The following RFX2 variants were observed in gnomAD, a reference collection of about 807,000 sequenced individuals.
RFX2 encodes the protein regulatory factor X2, also known as DNA-binding protein RFX2.
A neutral mutation model predicts 87.8 loss-of-function variants in RFX2; 20 were observed. The observed-to-expected ratio is 0.23, with a 90% CI of 0.16 to 0.33. The LOEUF is 0.33. Among genes scored for constraint, RFX2 ranks in the 10% least tolerant of loss-of-function variants. RFX2 has a pLI of 1.00. For missense variants in RFX2, 767 were observed against 1,012.3 expected, an observed-to-expected ratio of 0.76 and a Z score of 3.29; for synonymous variants, 397 against 431.3, an observed-to-expected ratio of 0.92 and a Z score of 0.98.
intron 6 of RFX2, among the ~76,000 whole-genome samples, chr19:6,019,512 ATGTGTGTGTGTG>A (rs147877773): frequency 3.1e-5 from 4 of 126,990 alleles, no homozygotes; most frequent in Admixed American, 8.1e-5. Context: ...GTGTGTGAGT[ATGTGTGTGTGTG>A]TGTGTGTGTG....
intron 1 of RFX2, among the ~76,000 whole-genome samples, chr19:6,100,253 TGAAG>T (rs1349146880): frequency 6.6e-6 from 1 of 152,122 alleles, no homozygotes; most frequent in African/African-American, 2.4e-5. Flanking sequence ...GGGGCTGGAC[TGAAG>T]GAAGCCTTGA....
At position 6,061,083 on chromosome 19, in the gene RFX2, G is replaced by A. The variant is rs969773016; in HGVS notation, c.-8-13579C>T. 6.6e-6 allele frequency among the ~76,000 whole-genome samples: 1 copy of A among 152,092 alleles called. No individual in the cohort carries two copies. The highest frequency in any genetic ancestry group is 2.4e-5 in the African/African-American group (1 of 41,398). ...CTCCCTGCGCCCCGGGACACGTGTC[G>A]CTGGTGACTCAGCCTGCTGTCTCCA... On this transcript the variant is annotated intron_variant, in intron 1 of 17. Transcript: ENST00000303657. This position sits in a 1 kb window ranked among gnomAD's most constrained non-coding sequence, Gnocchi z 5.2.
chr19:6,014,181 C>T (rs1011210264), intron 7 of RFX2, among the ~76,000 whole-genome samples: 1 of 152,116 alleles, frequency 6.6e-6, no homozygotes, highest in Non-Finnish European at 1.5e-5. Flanking sequence ...CCAGAGCTGG[C>T]AACAGGGACA....
chr19:6,092,491 G>A (rs891480506), intron 1 of RFX2, among the ~76,000 whole-genome samples: 1 of 152,212 alleles, frequency 6.6e-6, no homozygotes, highest in Non-Finnish European at 1.5e-5. Flanking sequence ...CACGCGTCCA[G>A]AGGGAATTCA....
At position 6,026,208 on chromosome 19, in the gene RFX2, T is replaced by A. The variant is rs753886292; in HGVS notation, c.552A>T (p.Lys184Asn). 1 of 1,614,036 alleles carries A rather than the reference T, an allele frequency of 6.2e-7. No homozygotes were observed. Among genetic ancestry groups the A allele is most frequent in the South Asian group, 1.1e-5 (1 of 91,056 alleles). The change falls in exon 6 of 18, where the codon AAA (lysine) becomes AAT (asparagine). Residue 184 changes from lysine to asparagine, a missense_variant. Lys to Asn is a moderately conservative substitution (Grantham distance 94). Transcript: ENST00000303657. The surrounding 1 kb of genome is among the most constrained non-coding windows in gnomAD (Gnocchi z 4.5). Reference protein sequence around the residue: ...TLEMAIENLQKSEGITSHKSG... With the variant: ...TLEMAIENLQNSEGITSHKSG... ...TTTTGTGTGATGTGATTCCTTCGCT[T>A]TTTTGGAGGTTTTCAATCGCCATTT...
rs1035300616 is a variant in RFX2 at position 6,061,131 on chromosome 19, C to G, written c.-8-13627G>C. On this transcript the variant is annotated intron_variant, in intron 1 of 17. Coordinates refer to ENST00000303657, the MANE Select transcript of RFX2 (RefSeq NM_000635.4). The surrounding 1 kb of genome is among the most constrained non-coding windows in gnomAD (Gnocchi z 5.2). ...CCACCTGATACCATCTCTGCCTCCCCCTTCCTTCCGCTCCTGCTGCTACTA... is the reference window on the plus strand; with the variant it reads ...CCACCTGATACCATCTCTGCCTCCCGCTTCCTTCCGCTCCTGCTGCTACTA... Among the ~76,000 whole-genome samples, 4 of 152,188 alleles carry G rather than the reference C, an allele frequency of 2.6e-5. No individual in the cohort carries two copies. The highest frequency in any genetic ancestry group is 3.8e-4 in the East Asian group (2 of 5,196).
At chr19:6,087,220 C>G (rs186813575) in intron 1 of RFX2, among the ~76,000 whole-genome samples, 76 of 152,264 alleles carry the variant, frequency 5.0e-4, no homozygotes, top group African/African-American at 1.8e-3. Flanking sequence ...ATAACCTTCA[C>G]AGGGGCGAAG....
At chr19:6,005,187 G>A (rs974569752) in intron 12 of RFX2, among the ~76,000 whole-genome samples, 6 of 152,160 alleles carry the variant, frequency 3.9e-5, no homozygotes, top group African/African-American at 7.2e-5. Flanking sequence ...AAACTCAGAC[G>A]AGGCATTGCC....
intron 5 of RFX2, among the ~76,000 whole-genome samples, chr19:6,028,812 C>T (rs138358430): frequency 0.016 from 2,380 of 152,228 alleles, 50 homozygotes; most frequent in African/African-American, 0.054. Context: ...CGGTGGCTCA[C>T]GCCTATAATC....
chr19:6,108,014 TCTC>T (rs1255812082), intron 1 of RFX2, among the ~76,000 whole-genome samples: 1 of 152,184 alleles, frequency 6.6e-6, no homozygotes. Flanking sequence ...GTCTCTCTCT[TCTC>T]AGATTCAGTG....
At chr19:6,087,766 G>A (rs2087873882) in intron 1 of RFX2, among the ~76,000 whole-genome samples, 1 of 152,174 alleles carries the variant, frequency 6.6e-6, no homozygotes, top group African/African-American at 2.4e-5. Context: ...CTGATATCAT[G>A]GAAATAGCTT....
Position 6,047,312 on chromosome 19 carries a change from A to G in RFX2, c.90+95T>C. The G allele has an allele frequency of 2.1e-6, 2 of 968,672 alleles. No individual in the cohort carries two copies. The highest frequency in any genetic ancestry group is 1.7e-5 in the South Asian group (1 of 59,214). The allele number at this position is 968,672 out of a possible 1,614,324, so 60.0% of individuals were successfully genotyped here. On this transcript the variant is annotated intron_variant, in intron 2 of 17. Coordinates refer to ENST00000303657, the MANE Select transcript of RFX2 (RefSeq NM_000635.4). This position sits in a 1 kb window ranked among gnomAD's most constrained non-coding sequence, Gnocchi z 4.2. ...CTGAGAAGTCCATTCAGAAAAATACAGATTCCTCTCTTTGCAGATCTGAGC... is the reference window on the plus strand; with the variant it reads ...CTGAGAAGTCCATTCAGAAAAATACGGATTCCTCTCTTTGCAGATCTGAGC...
chr19:6,081,598 C>T (rs1339916527), intron 1 of RFX2, among the ~76,000 whole-genome samples: 2 of 152,152 alleles, frequency 1.3e-5, no homozygotes, highest in African/African-American at 2.4e-5. Context: ...CTTACATGTA[C>T]CATTATCCAA....
chr19:6,040,077 C>T lies in RFX2; in HGVS notation c.425G>A (p.Ser142Asn), dbSNP rs541613594. Residue 142 changes from serine to asparagine, a missense_variant, in exon 5 of 18, where the codon AGC becomes AAC. Ser to Asn is a conservative substitution (Grantham distance 46). Transcript: ENST00000303657. The surrounding 1 kb of genome is among the most constrained non-coding windows in gnomAD (Gnocchi z 6.1). Reference sequence around the variant, plus strand: ...GGCTCCCGCGCTGGAGACGATGGGGCTCCCCCCGACATCCATGGTGATGCC... The same window carrying T: ...GGCTCCCGCGCTGGAGACGATGGGGTTCCCCCCGACATCCATGGTGATGCC... ...MVGITMDVGG[S>N]PIVSSAGAYL... is the part of the protein sequence containing the mutation. 70 of 1,611,898 alleles carry T rather than the reference C, an allele frequency of 4.3e-5. No individual in the cohort carries two copies. The highest frequency in any genetic ancestry group is 5.8e-5 in the Non-Finnish European group (68 of 1,179,588).
Position 6,016,057 on chromosome 19 carries a change from G to A in RFX2, c.779+33C>T. The A allele has an allele frequency of 6.5e-7, 1 of 1,549,798 alleles. No homozygotes were observed. Among genetic ancestry groups the A allele is most frequent in the Non-Finnish European group, 8.7e-7 (1 of 1,145,620 alleles). On this transcript the variant is annotated intron_variant, in intron 7 of 17. Transcript: ENST00000303657. The surrounding 1 kb of genome is among the most constrained non-coding windows in gnomAD (Gnocchi z 5.4). ...GCTCCATTTCTTGGGAAAGGAAGAG[G>A]AAGAACAGGTGGGCTGGGGATCGTC...
intron 1 of RFX2, among the ~76,000 whole-genome samples, chr19:6,097,818 A>C (rs893858376): frequency 1.3e-5 from 2 of 152,120 alleles, no homozygotes; most frequent in African/African-American, 4.8e-5. Context: ...CCTGGCCTCA[A>C]GCTATCCTCC....
At chr19:6,015,881 C>T (rs920375956) in intron 7 of RFX2, among the ~76,000 whole-genome samples, 2 of 152,248 alleles carry the variant, frequency 1.3e-5, no homozygotes, top group African/African-American at 2.4e-5. Context: ...GTGATCCCCA[C>T]GTCCTATCAC....
chr19:6,007,183 G>GA lies in RFX2; in HGVS notation c.1248-18dup, dbSNP rs766444355. ...TCTTCGTCACTGTGGAGGGAGGGGGGACAGGTGAGCTGTGGCCTGGCCCAG... is the reference window on the plus strand; with the variant it reads ...TCTTCGTCACTGTGGAGGGAGGGGGGAACAGGTGAGCTGTGGCCTGGCCCAG... On this transcript the variant is annotated splice_polypyrimidine_tract_variant and intron_variant, in intron 11 of 17. Transcript: ENST00000303657. This position sits in a 1 kb window ranked among gnomAD's most constrained non-coding sequence, Gnocchi z 8.2. 178 of 1,610,966 alleles carry GA rather than the reference G, an allele frequency of 1.1e-4. No individual in the cohort carries two copies. Among genetic ancestry groups the GA allele is most frequent in the Middle Eastern group, 1.9e-4 (1 of 5,342 alleles).
Position 6,007,626 on chromosome 19 carries a change from T to A in RFX2, c.1247+64A>T, listed in dbSNP as rs2086600600. ...CTGAGGCTTTCGTTTGTGGGTTACCTGTGGACGTCAGCAGGGGGTTAAGTC... is the reference window on the plus strand; with the variant it reads ...CTGAGGCTTTCGTTTGTGGGTTACCAGTGGACGTCAGCAGGGGGTTAAGTC... On this transcript the variant is annotated intron_variant, in intron 11 of 17. Transcript: ENST00000303657. This position sits in a 1 kb window ranked among gnomAD's most constrained non-coding sequence, Gnocchi z 8.2. 3 of 935,252 alleles carry A rather than the reference T, an allele frequency of 3.2e-6. No individual in the cohort carries two copies. Among genetic ancestry groups the A allele is most frequent in the Non-Finnish European group, 5.1e-6 (3 of 588,072 alleles). 57.9% of individuals were successfully genotyped at this position (935,252 alleles called of 1,614,324 possible).
Sources: gnomAD v4.1 joint callset for allele counts (sites outside exome capture counted in the v4.1 genomes callset) on GRCh38, gnomAD v4.1.1 for gene constraint, Gnocchi (gnomAD v3.1) non-coding constraint, MANE v1.5 for transcripts, NCBI Gene and HGNC (gene_info 2026-07-23, HGNC 2026-07-21) for gene names.